The following RICTOR variants were observed in gnomAD, a reference collection of about 807,000 sequenced individuals.
RICTOR encodes the protein RPTOR independent companion of MTOR complex 2, also known as rapamycin-insensitive companion of mTOR.
In RICTOR, 49 loss-of-function variants were observed where a neutral mutation model predicts 214.9. That is an observed-to-expected ratio of 0.23 (90% confidence interval 0.18 to 0.29). The LOEUF (loss-of-function observed/expected upper bound fraction) is 0.29, where lower values mean the gene tolerates loss of function less well. Among genes scored for constraint, RICTOR ranks in the 10% least tolerant of loss-of-function variants. The pLI is 1.00. For missense variants in RICTOR, 1,625 were observed against 2,047.0 expected, an observed-to-expected ratio of 0.79 and a Z score of 3.98; for synonymous variants, 717 against 711.3, an observed-to-expected ratio of 1.01 and a Z score of -0.13.
At chr5:38,996,669 GAATTT>G (rs1402128948) in intron 6 of RICTOR, 145 bp downstream of exon 6, 15 of 497,688 alleles carry the variant, frequency 3.0e-5, no homozygotes, top group Admixed American at 1.8e-4. Flanking sequence ...AAAGTTTAAT[GAATTT>G]ATTTAATATA....
At chr5:39,017,083 G>A (rs934270421) in intron 3 of RICTOR, among the ~76,000 whole-genome samples, 2 of 152,022 alleles carry the variant, frequency 1.3e-5, no homozygotes, top group South Asian at 4.1e-4. Flanking sequence ...AGATTTTTAA[G>A]ATTGCTGTAA....
intron 5 of RICTOR, among the ~76,000 whole-genome samples, chr5:38,999,246 G>A (rs1038093182): frequency 6.6e-6 from 1 of 151,696 alleles, no homozygotes; most frequent in Non-Finnish European, 1.5e-5. Flanking sequence ...GATCCAACAT[G>A]TGTATAGATG....
At chr5:38,991,123 C>G in intron 6 of RICTOR, 48 bp from the exon 7 acceptor site, 1 of 1,387,214 alleles carries the variant, frequency 7.2e-7, no homozygotes, top group Non-Finnish European at 9.9e-7. Context: ...TAATACATTT[C>G]TTAAACCTAT....
rs1750257688 is a variant in RICTOR at position 38,966,714 on chromosome 5, A to G, written c.1226T>C (p.Val409Ala). ...FIRNGLLEGL[V>A]EVITNSDDHI... ...ATCATCACTGTTTGTTATCACTTCAACTAGACCCTTTGAAAATAAAAAGAT... is the reference window on the plus strand; with the variant it reads ...ATCATCACTGTTTGTTATCACTTCAGCTAGACCCTTTGAAAATAAAAAGAT... The change falls in exon 15 of 38, where the codon GTT becomes GCT. Residue 409 changes from valine to alanine, a missense_variant. Val to Ala is a moderately conservative substitution (Grantham distance 64). Transcript: ENST00000357387. The G allele has an allele frequency of 6.5e-7, 1 of 1,544,950 alleles. No individual in the cohort carries two copies. Among genetic ancestry groups the G allele is most frequent in the Non-Finnish European group, 8.9e-7 (1 of 1,125,760 alleles).
chr5:39,041,440 G>A (rs1757160105), intron 2 of RICTOR, among the ~76,000 whole-genome samples: 1 of 152,136 alleles, frequency 6.6e-6, no homozygotes, highest in Admixed American at 6.5e-5. Flanking sequence ...TAATTATTAA[G>A]GAAGGCATTT....
chr5:39,058,660 T>C (rs1758344914), intron 2 of RICTOR, among the ~76,000 whole-genome samples: 1 of 152,142 alleles, frequency 6.6e-6, no homozygotes, highest in African/African-American at 2.4e-5. Flanking sequence ...TACAACTGCA[T>C]GTTGTAAATC....
rs1329330004 is a variant in RICTOR, at chr5:39,070,749, C to G, written c.97+3362G>C. On this transcript the variant is annotated intron_variant, in intron 2 of 37. Coordinates refer to ENST00000357387, the MANE Select transcript of RICTOR (RefSeq NM_152756.5). ...GGTTTACCCAGGAAGAACACTGTAT[C>G]TTTTCAAGTGATTCAGTACCAGTAA... Among the ~76,000 whole-genome samples the G allele has an allele frequency of 3.3e-5, 5 of 152,138 alleles. 1 individual carries two copies. Among genetic ancestry groups the G allele is most frequent in the Admixed American group, 2.6e-4 (4 of 15,274 alleles).
At chr5:39,037,469 G>A (rs945216400) in intron 2 of RICTOR, among the ~76,000 whole-genome samples, 18 of 151,988 alleles carry the variant, frequency 1.2e-4, no homozygotes, top group African/African-American at 4.1e-4. Context: ...ACTAAGATCA[G>A]AGCAGAACTG....
At chr5:39,031,204 AT>A in intron 2 of RICTOR, among the ~76,000 whole-genome samples, 1 of 152,326 alleles carries the variant, frequency 6.6e-6, no homozygotes, top group East Asian at 1.9e-4. Flanking sequence ...AACAATGATT[AT>A]TACAGTTAAT....
rs1215634961 is a variant in RICTOR at position 39,038,867 on chromosome 5, A to G, written c.98-17731T>C. ...CCATGCTCACGGGTAGGAAGAATCA[A>G]TATCGTGAAAATGGCCATACTGCCC... On this transcript the variant is annotated intron_variant, in intron 2 of 37. Transcript: ENST00000357387. Among the ~76,000 whole-genome samples the G allele has an allele frequency of 4.6e-5, 7 of 152,266 alleles. No homozygotes were observed. In the East Asian group the frequency reaches 9.7e-4, roughly 21 times the overall value.
intron 2 of RICTOR, among the ~76,000 whole-genome samples, chr5:39,072,672 C>T (rs181019340): frequency 1.7e-3 from 262 of 152,246 alleles, no homozygotes; most frequent in Non-Finnish European, 3.0e-3. Context: ...GTGTTATAGT[C>T]AAGTTTCCAA....
chr5:38,945,830 A>C lies in RICTOR; in HGVS notation c.4400-106T>G, dbSNP rs980585802. On this transcript the variant is annotated intron_variant, in intron 33 of 37. Coordinates refer to ENST00000357387, the MANE Select transcript of RICTOR (RefSeq NM_152756.5). Reference sequence around the variant, plus strand: ...AAAGCTTAAGCACATTTTATGACTCAAAATCTAACTGGAAAGAAAAAAAGA... The same window carrying C: ...AAAGCTTAAGCACATTTTATGACTCCAAATCTAACTGGAAAGAAAAAAAGA... 28 of 562,972 alleles carry C rather than the reference A, an allele frequency of 5.0e-5. No homozygotes were observed. In the Middle Eastern group the frequency reaches 1.2e-3, roughly 24 times the overall value. 34.9% of individuals were successfully genotyped at this position (562,972 alleles called of 1,614,324 possible).
In RICTOR at chr5:38,946,524, T is replaced by C. The variant is rs1402213531; in HGVS notation, c.4343A>G (p.Lys1448Arg). The C allele has an allele frequency of 1.2e-6, 2 of 1,610,888 alleles. No homozygotes were observed. Among genetic ancestry groups the C allele is most frequent in the African/African-American group, 2.7e-5 (2 of 74,854 alleles). Reference protein sequence around the residue: ...QVKDIPYFQTKNIPPHDDRGA... With the variant: ...QVKDIPYFQTRNIPPHDDRGA... ...TCGATCATCATGTGGTGGTATGTTTTTTGTCTGAAAATAGGGAATATCCTT... is the reference window on the plus strand; with the variant it reads ...TCGATCATCATGTGGTGGTATGTTTCTTGTCTGAAAATAGGGAATATCCTT... Residue 1448 changes from lysine (K) to arginine (R), a missense_variant, in exon 33 of 38, where the codon AAA (lysine) becomes AGA (arginine). By Grantham distance (26) the Lys-to-Arg change is conservative. Coordinates refer to ENST00000357387, the MANE Select transcript of RICTOR (RefSeq NM_152756.5).
At chr5:39,048,523 T>C (rs369958918) in intron 2 of RICTOR, among the ~76,000 whole-genome samples, 7 of 152,160 alleles carry the variant, frequency 4.6e-5, no homozygotes, top group African/African-American at 1.7e-4. Flanking sequence ...GAGTCTCTAA[T>C]GAGATTCCCT....
At chr5:38,998,042 C>T (rs986362460) in intron 5 of RICTOR, among the ~76,000 whole-genome samples, 2 of 152,184 alleles carry the variant, frequency 1.3e-5, no homozygotes, top group Non-Finnish European at 2.9e-5. Context: ...AAACACAATA[C>T]TCTAAGAAAT....
intron 19 of RICTOR, among the ~76,000 whole-genome samples, chr5:38,961,421 C>CT (rs1396390611): frequency 2.0e-5 from 3 of 152,102 alleles, no homozygotes; most frequent in South Asian, 2.1e-4. Flanking sequence ...AAAGGTCAAG[C>CT]ATGAAAGTTG....
chr5:38,937,938 A>T lies in RICTOR; in HGVS notation c.*4366T>A, dbSNP rs1579830262. Reference sequence around the variant, plus strand: ...GACAAAGTTTAAGAATTTTAAGTACATTTTATTAACAATGTATCCCTTTGA... The same window carrying T: ...GACAAAGTTTAAGAATTTTAAGTACTTTTTATTAACAATGTATCCCTTTGA... On this transcript the variant is annotated 3_prime_UTR_variant, in exon 38 of 38. Transcript: ENST00000357387. This position sits in a 1 kb window ranked among gnomAD's most constrained non-coding sequence, Gnocchi z 4.0. 1.6e-5 allele frequency: 3 copies of T among 182,186 alleles called. No individual in the cohort carries two copies. Among genetic ancestry groups the T allele is most frequent in the African/African-American group, 7.1e-5 (3 of 42,486 alleles). 11.3% of individuals were successfully genotyped at this position (182,186 alleles called of 1,614,324 possible).
chr5:39,067,942 C>A (rs1443898263), intron 2 of RICTOR, among the ~76,000 whole-genome samples: 1 of 152,146 alleles, frequency 6.6e-6, no homozygotes, highest in South Asian at 2.1e-4. Flanking sequence ...CTGGGGGAAG[C>A]GGATGTTAAA....
At chr5:38,961,329 C>T (rs1749775945) in intron 19 of RICTOR, among the ~76,000 whole-genome samples, 1 of 152,066 alleles carries the variant, frequency 6.6e-6, no homozygotes, top group African/African-American at 2.4e-5. Context: ...AACTTTGTCC[C>T]ATGGCTCAAT....
Sources: allele counts gnomAD v4.1 joint callset (sites outside exome capture counted in the v4.1 genomes callset), GRCh38; gene constraint gnomAD v4.1.1; non-coding constraint Gnocchi (gnomAD v3.1); transcripts MANE v1.5; gene names NCBI Gene and HGNC (gene_info 2026-07-23, HGNC 2026-07-21).